Variants in TIMD4 observed in about 807,000 individuals in gnomAD.
The protein encoded by TIMD4 is T cell immunoglobulin and mucin domain containing 4.
Under a neutral mutation model 41.2 loss-of-function variants are expected in TIMD4, and 31 were observed. That is an observed-to-expected ratio of 0.75 (90% CI 0.57 to 1.01). The LOEUF (loss-of-function observed/expected upper bound fraction) is 1.01, where lower values mean the gene tolerates loss of function less well. TIMD4 is among the 50% of genes least tolerant of loss of function. The pLI, the probability that TIMD4 is intolerant of heterozygous loss-of-function variation, is 0.00. For synonymous variants in TIMD4, 204 were observed against 177.1 expected, an observed-to-expected ratio of 1.15 and a Z score of -1.21; for missense variants, 479 against 472.5, an observed-to-expected ratio of 1.01 and a Z score of -0.13.
chr5:156,931,888 T>C (rs1759450044), intron 5 of TIMD4, among the ~76,000 whole-genome samples: 1 of 147,322 alleles, frequency 6.8e-6, no homozygotes, highest in Non-Finnish European at 1.5e-5. Flanking sequence ...CATCTGAAAA[T>C]ATTAATATTT....
chr5:156,946,473 G>T (rs1759742669), intron 5 of TIMD4, among the ~76,000 whole-genome samples: 1 of 151,912 alleles, frequency 6.6e-6, no homozygotes, highest in African/African-American at 2.4e-5. Context: ...CCAACTCTGA[G>T]CTTTTTTTTG....
chr5:156,942,999 T>C (rs1194676465), intron 5 of TIMD4, among the ~76,000 whole-genome samples: 3 of 152,334 alleles, frequency 2.0e-5, no homozygotes, highest in East Asian at 3.9e-4. Flanking sequence ...TACTATGAGA[T>C]TGTAAAAGCT....
At chr5:156,952,201 A>G (rs1268896424) in intron 2 of TIMD4, among the ~76,000 whole-genome samples, 1 of 151,968 alleles carries the variant, frequency 6.6e-6, no homozygotes, top group Non-Finnish European at 1.5e-5. Flanking sequence ...GAGGCAGGAG[A>G]ATCACTTCAA....
Position 156,920,694 on chromosome 5 carries a change from C to T in TIMD4, c.1013-191G>A, listed in dbSNP as rs1759221460. On this transcript the variant is annotated intron_variant, in intron 7 of 8. Transcript: ENST00000274532. Reference sequence around the variant, plus strand: ...CTTGCTATTTTAACCACAGTTAGTGCTCATCAATTACCAAGTTGTTCCAAC... The same window carrying T: ...CTTGCTATTTTAACCACAGTTAGTGTTCATCAATTACCAAGTTGTTCCAAC... Among the ~76,000 whole-genome samples the T allele has an allele frequency of 2.0e-5, 3 of 152,206 alleles. No homozygotes were observed. The South Asian group carries it at 6.2e-4, about 32-fold the overall frequency.
intron 8 of TIMD4, among the ~76,000 whole-genome samples, chr5:156,920,135 C>T (rs1340111639): frequency 6.6e-6 from 1 of 152,196 alleles, no homozygotes; most frequent in Non-Finnish European, 1.5e-5. Context: ...CCTCAATAAA[C>T]TCCAGTTTAA....
At chr5:156,921,617 A>C (rs368383768) in intron 7 of TIMD4, among the ~76,000 whole-genome samples, 727 of 54,378 alleles carry the variant, frequency 0.013, 4 homozygotes, top group African/African-American at 0.06. Context: ...AGACTCTCTC[A>C]AAAAAAAAAA....
intron 5 of TIMD4, among the ~76,000 whole-genome samples, chr5:156,945,937 G>A (rs188710521): frequency 9.2e-5 from 14 of 152,248 alleles, no homozygotes; most frequent in African/African-American, 3.1e-4. Context: ...TAACACGTGC[G>A]CAATAAACCC....
intron 6 of TIMD4, among the ~76,000 whole-genome samples, chr5:156,925,766 G>T (rs79388237): frequency 6.6e-6 from 1 of 152,152 alleles, no homozygotes; most frequent in Non-Finnish European, 1.5e-5. Flanking sequence ...TAACAATCAA[G>T]GTTATTTCTG....
At chr5:156,920,110 C>T (rs775122753) in intron 8 of TIMD4, among the ~76,000 whole-genome samples, 2 of 152,120 alleles carry the variant, frequency 1.3e-5, no homozygotes, top group African/African-American at 2.4e-5. Flanking sequence ...TTTCATTTTC[C>T]ATATTGCCAA....
intron 3 of TIMD4, 68 bp from the exon 4 acceptor site, chr5:156,949,799 G>T: frequency 1.1e-6 from 1 of 938,084 alleles, no homozygotes; most frequent in Non-Finnish European, 1.7e-6. Flanking sequence ...TGGGTGGTGG[G>T]ATTTGGGATT....
intron 5 of TIMD4, among the ~76,000 whole-genome samples, chr5:156,933,600 C>T (rs546423392): frequency 6.7e-6 from 1 of 148,944 alleles, no homozygotes; most frequent in East Asian, 2.0e-4. Context: ...CAGAGTCTCA[C>T]TCTGTCTCCC....
chr5:156,938,355 T>A (rs6555760), intron 5 of TIMD4, among the ~76,000 whole-genome samples: 42,356 of 152,052 alleles, frequency 0.28, 6,126 homozygotes, highest in Admixed American at 0.35. Context: ...AACATATGAT[T>A]TCTTGACCCC....
intron 7 of TIMD4, among the ~76,000 whole-genome samples, chr5:156,921,587 C>A (rs1759240365): frequency 7.5e-6 from 1 of 133,916 alleles, no homozygotes; most frequent in Non-Finnish European, 1.5e-5. Flanking sequence ...CCACTGCACT[C>A]CAGCCTGGAC....
intron 5 of TIMD4, among the ~76,000 whole-genome samples, chr5:156,947,070 TGCCTGTAGTCCCAGCTACTCA>T (rs1271404279): frequency 3.3e-5 from 5 of 151,906 alleles, no homozygotes; most frequent in Middle Eastern, 3.2e-3. Context: ...TGGTGGCATG[TGCCTGTAGTCCCAGCTACTCA>T]GAAGGCTAAG....
chr5:156,922,967 A>T (rs569974144), intron 6 of TIMD4, among the ~76,000 whole-genome samples: 1 of 152,292 alleles, frequency 6.6e-6, no homozygotes, highest in Admixed American at 6.5e-5. Context: ...TGTTATTTTT[A>T]AATAAATTGA....
At position 156,949,748 on chromosome 5, in the gene TIMD4, T is replaced by G. The variant is rs565881133; in HGVS notation, c.680-17A>C. On this transcript the variant is annotated splice_polypyrimidine_tract_variant and intron_variant, in intron 3 of 8. Coordinates refer to ENST00000274532, the MANE Select transcript of TIMD4 (RefSeq NM_138379.3). Reference sequence around the variant, plus strand: ...TTTCTGATTCTGGAAGAGAAAAAAGTTGGATAAAAGGCAGCTGAAAAGTAG... The same window carrying G: ...TTTCTGATTCTGGAAGAGAAAAAAGGTGGATAAAAGGCAGCTGAAAAGTAG... 57 of 1,580,770 alleles carry G rather than the reference T, an allele frequency of 3.6e-5. No individual in the cohort carries two copies. In the South Asian group the frequency reaches 5.5e-4, roughly 15 times the overall value.
intron 1 of TIMD4, among the ~76,000 whole-genome samples, chr5:156,957,572 C>T (rs1759997507): frequency 6.6e-6 from 1 of 151,334 alleles, no homozygotes; most frequent in African/African-American, 2.4e-5. Context: ...TCCATTTTGC[C>T]TCCCATGAAT....
intron 5 of TIMD4, among the ~76,000 whole-genome samples, chr5:156,937,418 T>G (rs1258534898): frequency 1.3e-5 from 2 of 152,168 alleles, no homozygotes; most frequent in African/African-American, 4.8e-5. Context: ...ACACTGAGGT[T>G]TACTCTTTTA....
At chr5:156,956,550 C>G (rs565747117) in intron 1 of TIMD4, among the ~76,000 whole-genome samples, 1 of 152,342 alleles carries the variant, frequency 6.6e-6, no homozygotes, top group South Asian at 2.1e-4. Context: ...TTCTCCAGGC[C>G]ACTTTGATGT....
Sources: gnomAD v4.1 joint callset for allele counts (sites outside exome capture counted in the v4.1 genomes callset) on GRCh38, gnomAD v4.1.1 for gene constraint, MANE v1.5 for transcripts, NCBI Gene and HGNC (gene_info 2026-07-23, HGNC 2026-07-21) for gene names.